Variants in PUM1 observed in about 807,000 individuals in gnomAD.
PUM1 encodes the protein pumilio homolog 1.
Under a neutral mutation model 131.8 loss-of-function variants are expected in PUM1, and 13 were observed. The observed-to-expected ratio is 0.10, with a 90% CI of 0.06 to 0.16. PUM1 has a LOEUF of 0.16. Ranked by LOEUF, PUM1 falls within the 10% of genes least tolerant of loss-of-function variation. The probability of loss-of-function intolerance (pLI) is 1.00; values close to 1 mark genes in which losing one functional copy is unlikely to be tolerated. For synonymous variants in PUM1, 509 were observed against 556.5 expected (o/e 0.91, Z 1.20); for missense variants, 961 against 1,512.4 (o/e 0.64, Z 6.05).
In PUM1 at chr1:30,998,932, A is replaced by T. The variant is rs559528615; in HGVS notation, c.721-3712T>A. On this transcript the variant is annotated intron_variant, in intron 5 of 21. Coordinates refer to ENST00000426105, the MANE Select transcript of PUM1 (RefSeq NM_001020658.2). ...GAAAGGTATAAATGGGCTAAGTTTT[A>T]TGAAAATTTTACACTTCTGAAAAAT... 2.0e-5 allele frequency among the ~76,000 whole-genome samples: 3 copies of T among 152,374 alleles called. No homozygotes were observed. In the South Asian group the frequency reaches 6.2e-4, roughly 32 times the overall value.
At position 30,981,300 on chromosome 1, in the gene PUM1, T is replaced by C; in HGVS notation, c.1252+12A>G. 6.4e-7 allele frequency: 1 copy of C among 1,561,616 alleles called. No homozygotes were observed. Among genetic ancestry groups the C allele is most frequent in the Non-Finnish European group, 8.8e-7 (1 of 1,140,848 alleles). ...CACCTATCATGAAAGAGCTATGGGC[T>C]TAAGGACTTACCGATGTGCGGCTGA... is the stretch of plus-strand genomic sequence containing the variant. On this transcript the variant is annotated intron_variant, in intron 8 of 21. Coordinates refer to ENST00000426105, the MANE Select transcript of PUM1 (RefSeq NM_001020658.2).
chr1:30,972,195 C>T (rs1218963379), intron 10 of PUM1, among the ~76,000 whole-genome samples: 1 of 145,672 alleles, frequency 6.9e-6, no homozygotes, highest in African/African-American at 2.6e-5. Context: ...GCGAAGGTTG[C>T]AGTGAGCAAA....
Position 31,060,527 on chromosome 1 carries a change from A to G in PUM1, c.-11-950T>C, listed in dbSNP as rs116824952. Among the ~76,000 whole-genome samples, 1,291 of 152,216 alleles carry G rather than the reference A, an allele frequency of 8.5e-3. 7 individuals carry two copies. Among genetic ancestry groups the G allele is most frequent in the Middle Eastern group, 0.031 (9 of 294 alleles). ...GCAGACATATGCTAATAACTAAACA[A>G]AAGCCTAAACCCATATATAAGTAGC... On this transcript the variant is annotated intron_variant, in intron 1 of 21. Coordinates refer to ENST00000426105, the MANE Select transcript of PUM1 (RefSeq NM_001020658.2).
chr1:30,996,563 A>G lies in PUM1; in HGVS notation c.721-1343T>C, dbSNP rs560015480. Among the ~76,000 whole-genome samples, 66 of 152,348 alleles carry G rather than the reference A, an allele frequency of 4.3e-4. 1 individual carries two copies. The highest frequency in any genetic ancestry group is 2.1e-3 in the Admixed American group (32 of 15,304). On this transcript the variant is annotated intron_variant, in intron 5 of 21. Transcript: ENST00000426105. Reference sequence around the variant, plus strand: ...TGTGATACAGAAAAAGATAATATAAAAAAAGAACAAATATGACAAGGAACT... The same window carrying G: ...TGTGATACAGAAAAAGATAATATAAGAAAAGAACAAATATGACAAGGAACT...
intron 5 of PUM1, among the ~76,000 whole-genome samples, chr1:31,002,283 A>G (rs1642243999): frequency 6.6e-6 from 1 of 152,220 alleles, no homozygotes; most frequent in Non-Finnish European, 1.5e-5. Context: ...GATGTATACT[A>G]CGAATGTGTA....
chr1:31,008,945 A>G (rs1463214579), intron 3 of PUM1, among the ~76,000 whole-genome samples: 3 of 151,706 alleles, frequency 2.0e-5, no homozygotes, highest in Non-Finnish European at 4.4e-5. Flanking sequence ...AGGCCAAGGC[A>G]GGAGCATCAC....
intron 7 of PUM1, among the ~76,000 whole-genome samples, chr1:30,984,878 T>C (rs369397792): frequency 6.6e-6 from 1 of 151,954 alleles, no homozygotes; most frequent in African/African-American, 2.4e-5. Flanking sequence ...GGAGGAGTAA[T>C]GTCTAAATAA....
At position 31,005,791 on chromosome 1, in the gene PUM1, A is replaced by AAGAGAG. The variant is rs57530886; in HGVS notation, c.720+56_720+61dup. The AAGAGAG allele has an allele frequency of 1.9e-3, 2,466 of 1,313,576 alleles. 21 individuals are homozygous for AAGAGAG. In the African/African-American group the frequency reaches 0.025, roughly 13 times the overall value. The allele number at this position is 1,313,576 out of a possible 1,614,324, so 81.4% of individuals were successfully genotyped here. A position where few individuals can be genotyped will look rare whatever the true frequency, so the allele number is the denominator to read the frequency against. On this transcript the variant is annotated intron_variant, in intron 5 of 21. Transcript: ENST00000426105. The stretch of plus-strand genomic sequence containing the variant: ...GGCATGTTTTGCTTTAGGGGAAAAA[A>AAGAGAG]AGAGAGAGAGAGAGAGAGAGAGAGA...
At chr1:31,016,783 T>C (rs1039225438) in intron 3 of PUM1, among the ~76,000 whole-genome samples, 2 of 152,206 alleles carry the variant, frequency 1.3e-5, no homozygotes, top group African/African-American at 4.8e-5. Context: ...GGTGGTGTCT[T>C]AACAAAATGC....
intron 7 of PUM1, among the ~76,000 whole-genome samples, chr1:30,991,952 T>C (rs866351746): frequency 6.6e-6 from 1 of 152,254 alleles, no homozygotes; most frequent in Admixed American, 6.5e-5. Flanking sequence ...CTGGAGTAAC[T>C]TGTTTAACTG....
intron 3 of PUM1, among the ~76,000 whole-genome samples, chr1:31,010,362 C>T (rs1196487694): frequency 1.3e-5 from 2 of 152,168 alleles, no homozygotes; most frequent in African/African-American, 4.8e-5. Context: ...TATGACATGC[C>T]TCTAAGAAAT....
At position 30,952,214 on chromosome 1, in the gene PUM1, T is replaced by C. The variant is rs779036304; in HGVS notation, c.2721+20A>G. On this transcript the variant is annotated intron_variant, in intron 16 of 21. Transcript: ENST00000426105. ...CTGCAGATTCTCTTAAGTCAAAGGA[T>C]AGAAAGAACAAAGGCTTACTTCAAA... 8 of 1,611,118 alleles carry C rather than the reference T, an allele frequency of 5.0e-6. No homozygotes were observed. In the East Asian group the frequency reaches 1.3e-4, roughly 27 times the overall value.
rs746225553 is a variant in PUM1, at chr1:30,995,161, C to G, written c.780G>C (p.Thr260=). The G allele has an allele frequency of 1.9e-6, 3 of 1,614,186 alleles. No homozygotes were observed. Among genetic ancestry groups the G allele is most frequent in the Non-Finnish European group, 2.5e-6 (3 of 1,180,036 alleles). Residue 260 remains threonine (T), a synonymous_variant, in exon 6 of 22, where the codon ACG becomes ACC. Coordinates refer to ENST00000426105, the MANE Select transcript of PUM1 (RefSeq NM_001020658.2). ...NDKGEKKNKG[T]FDGDKLGDLK... Reference sequence around the variant, plus strand: ...AATCTCCTAGCTTATCTCCATCAAACGTACCCTTGTTCTTCTTTTCACCTT... The same window carrying G: ...AATCTCCTAGCTTATCTCCATCAAAGGTACCCTTGTTCTTCTTTTCACCTT...
At chr1:30,992,988 C>CA (rs1641848697) in intron 6 of PUM1, among the ~76,000 whole-genome samples, 1 of 152,046 alleles carries the variant, frequency 6.6e-6, no homozygotes, top group South Asian at 2.1e-4. Flanking sequence ...AAGCAGATCC[C>CA]AAAATGCATC....
chr1:31,020,167 T>C (rs1642971056), intron 3 of PUM1, among the ~76,000 whole-genome samples: 1 of 152,216 alleles, frequency 6.6e-6, no homozygotes. Flanking sequence ...ATGTGGTATT[T>C]GGATTTCTGT....
At chr1:31,061,950 A>G (rs1644377782) in intron 1 of PUM1, 1 of 152,246 alleles carries the variant, frequency 6.6e-6, no homozygotes, top group Non-Finnish European at 1.5e-5. Flanking sequence ...AACAAACAGA[A>G]GCTTCAACAC....
At chr1:30,971,311 C>A (rs1640863064) in intron 10 of PUM1, among the ~76,000 whole-genome samples, 1 of 152,102 alleles carries the variant, frequency 6.6e-6, no homozygotes, top group Non-Finnish European at 1.5e-5. Flanking sequence ...CCAAAAAAAT[C>A]ATATTTTCCT....
intron 2 of PUM1, among the ~76,000 whole-genome samples, chr1:31,051,363 G>A (rs899463576): frequency 4.0e-5 from 6 of 151,440 alleles, no homozygotes; most frequent in Admixed American, 1.3e-4. Flanking sequence ...GAGTGCAATG[G>A]CACAATCTCG....
intron 2 of PUM1, among the ~76,000 whole-genome samples, chr1:31,051,239 A>T (rs1644102471): frequency 6.6e-6 from 1 of 151,734 alleles, no homozygotes; most frequent in Non-Finnish European, 1.5e-5. Flanking sequence ...CATTGTTAAG[A>T]TGGCCACACC....
Sources: gnomAD v4.1 joint callset for allele counts (sites outside exome capture counted in the v4.1 genomes callset) on GRCh38, gnomAD v4.1.1 for gene constraint, MANE v1.5 for transcripts, NCBI Gene and HGNC (gene_info 2026-07-23, HGNC 2026-07-21) for gene names.